Variants in GPC4 observed in about 807,000 individuals in gnomAD.
The protein encoded by GPC4 is glypican 4.
In GPC4, 10 loss-of-function variants were observed where a neutral mutation model predicts 35.0. The ratio of observed to expected loss-of-function variants is 0.29; its 90% CI spans 0.18 to 0.48. The LOEUF (loss-of-function observed/expected upper bound fraction) is 0.48, where lower values mean the gene tolerates loss of function less well. GPC4 is among the 20% of genes least tolerant of loss of function. The pLI is 0.99. For synonymous variants in GPC4, 167 were observed against 170.2 expected (o/e 0.98, Z 0.15); for missense variants, 322 against 451.3 (o/e 0.71, Z 2.60).
chrX:133,302,973 C>G lies in GPC4; in HGVS notation c.1565G>C (p.Ser522Thr). ...AGCACTGTCGGCTTTCTCATTGGCA[C>G]TCTTCCCAGCATGGTCAGTGGCATT... is the stretch of plus-strand genomic sequence containing the variant. ...DYNATDHAGK[S>T]ANEKADSAGV... Residue 522 changes from serine to threonine, a missense_variant, in exon 9 of 9, where the codon AGT (serine) becomes ACT (threonine). Ser to Thr is a moderately conservative substitution (Grantham distance 58). Around this residue, in one of 3 missense-constraint regions of GPC4, gnomAD observed 99 missense variants for 110.0 expected, o/e 0.90. Coordinates refer to ENST00000370828, the MANE Select transcript of GPC4 (RefSeq NM_001448.3). 8.3e-7 allele frequency: 1 copy of G among 1,211,605 alleles called. No individual in the cohort carries two copies. Among genetic ancestry groups the G allele is most frequent in the Non-Finnish European group, 1.1e-6 (1 of 895,418 alleles).
intron 1 of GPC4, among the ~76,000 whole-genome samples, chrX:133,387,066 C>T (rs1436724293): frequency 8.9e-6 from 1 of 112,001 alleles, no homozygotes; most frequent in Non-Finnish European, 1.9e-5. Flanking sequence ...AGCAAGCTGG[C>T]TGTTTCAACC....
At chrX:133,343,394 C>T (rs1255670192) in intron 1 of GPC4, among the ~76,000 whole-genome samples, 2 of 111,913 alleles carry the variant, frequency 1.8e-5, no homozygotes, top group Non-Finnish European at 3.8e-5. Flanking sequence ...TCTTTTCACT[C>T]TAACCATGTA....
chrX:133,369,843 C>T (rs1331837122), intron 1 of GPC4, among the ~76,000 whole-genome samples: 1 of 111,014 alleles, frequency 9.0e-6, no homozygotes, highest in Non-Finnish European at 1.9e-5. Flanking sequence ...TACTCACATA[C>T]CAGCTGTGAC....
intron 1 of GPC4, among the ~76,000 whole-genome samples, chrX:133,357,129 A>G (rs2036260665): frequency 9.0e-6 from 1 of 110,643 alleles, no homozygotes; most frequent in South Asian, 4.0e-4. Context: ...CATGCCTGTA[A>G]TCCCAGCACT....
At chrX:133,394,596 C>CA (rs1352685580) in intron 1 of GPC4, among the ~76,000 whole-genome samples, 2 of 111,276 alleles carry the variant, frequency 1.8e-5, no homozygotes, top group Admixed American at 9.6e-5. Flanking sequence ...CTTGCTTCCC[C>CA]AGTGTGCAAC....
intron 3 of GPC4, among the ~76,000 whole-genome samples, chrX:133,313,754 C>T (rs1053059502): frequency 8.9e-6 from 1 of 112,089 alleles, no homozygotes; most frequent in African/African-American, 3.2e-5. Flanking sequence ...CTCACAACAT[C>T]GGATTCCAGT....
chrX:133,342,492 C>G (rs1356055766), intron 1 of GPC4, among the ~76,000 whole-genome samples: 5 of 112,010 alleles, frequency 4.5e-5, no homozygotes, highest in African/African-American at 1.6e-4. Context: ...AAGTCGTCTG[C>G]CCCTCAGTGC....
At chrX:133,303,392 T>C (rs1191046089) in intron 7 of GPC4, 51 bp from the exon 8 acceptor site, 5 of 1,061,351 alleles carry the variant, frequency 4.7e-6, no homozygotes, top group Admixed American at 2.4e-5. Context: ...GAAAAGATTT[T>C]ATCTGTCTGC....
intron 3 of GPC4, among the ~76,000 whole-genome samples, chrX:133,323,235 C>G (rs2068374709): frequency 9.0e-6 from 1 of 111,728 alleles, no homozygotes; most frequent in Non-Finnish European, 1.9e-5. Flanking sequence ...TCCCAGCACT[C>G]TGAGAGGCCA....
At chrX:133,411,565 G>C (rs2068813292) in intron 1 of GPC4, among the ~76,000 whole-genome samples, 1 of 111,047 alleles carries the variant, frequency 9.0e-6, no homozygotes, top group Non-Finnish European at 1.9e-5. Flanking sequence ...CTCGTCATCT[G>C]TATCGCTTGT....
At chrX:133,382,105 G>A (rs1411193326) in intron 1 of GPC4, among the ~76,000 whole-genome samples, 2 of 112,037 alleles carry the variant, frequency 1.8e-5, no homozygotes, top group Non-Finnish European at 3.8e-5. Context: ...AAAGTATTAA[G>A]ATCATAAGAA....
chrX:133,377,889 C>CTTTTTT (rs774106053), intron 1 of GPC4, among the ~76,000 whole-genome samples: 1 of 72,804 alleles, frequency 1.4e-5, no homozygotes, highest in African/African-American at 5.4e-5. Context: ...TTTTTTTTTT[C>CTTTTTT]TTTTTTTTTT....
At chrX:133,304,155 C>T (rs2068280993) in intron 7 of GPC4, among the ~76,000 whole-genome samples, 1 of 107,302 alleles carries the variant, frequency 9.3e-6, no homozygotes, top group South Asian at 4.1e-4. Flanking sequence ...AAAAAATTAG[C>T]CAGGCATGGT....
intron 1 of GPC4, among the ~76,000 whole-genome samples, chrX:133,401,214 A>AT (rs1364424731): frequency 9.0e-6 from 1 of 111,467 alleles, no homozygotes; most frequent in Non-Finnish European, 1.9e-5. Context: ...ATAAGCCTTG[A>AT]TTTTCACTCT....
rs191170209 is a variant in GPC4, at chrX:133,392,886, G to A, written c.160+21920C>T. Among the ~76,000 whole-genome samples the A allele has an allele frequency of 5.5e-3, 611 of 110,789 alleles. 4 individuals carry two copies. The highest frequency in any genetic ancestry group is 0.019 in the African/African-American group (581 of 30,288). On this transcript the variant is annotated intron_variant, in intron 1 of 8. Transcript: ENST00000370828. Reference sequence around the variant, plus strand: ...GAAGCCGTTGGATGATTTCTTTCCAGGACCCGTTGAAAGATAAAAGATGAG... The same window carrying A: ...GAAGCCGTTGGATGATTTCTTTCCAAGACCCGTTGAAAGATAAAAGATGAG...
chrX:133,326,260 A>C (rs1199199389), intron 2 of GPC4, among the ~76,000 whole-genome samples: 1 of 111,432 alleles, frequency 9.0e-6, no homozygotes, highest in Non-Finnish European at 1.9e-5. Context: ...TTAGGTGAAC[A>C]ATATAAGAAG....
At chrX:133,404,700 T>C (rs900255429) in intron 1 of GPC4, among the ~76,000 whole-genome samples, 9 of 108,944 alleles carry the variant, frequency 8.3e-5, no homozygotes, top group Non-Finnish European at 1.7e-4. Context: ...ACTAAAAATA[T>C]ACAAATTAGC....
chrX:133,365,289 A>C (rs779890976), intron 1 of GPC4, among the ~76,000 whole-genome samples: 1 of 111,878 alleles, frequency 8.9e-6, no homozygotes, highest in Non-Finnish European at 1.9e-5. Flanking sequence ...GTTCACCACT[A>C]CAGTGTTTGC....
chrX:133,390,303 C>T (rs868351664), intron 1 of GPC4, among the ~76,000 whole-genome samples: 10 of 111,712 alleles, frequency 9.0e-5, no homozygotes, highest in Middle Eastern at 4.6e-3. Flanking sequence ...AATGAATTAG[C>T]GTATTAACTA....
Sources: allele counts gnomAD v4.1 joint callset (sites outside exome capture counted in the v4.1 genomes callset), GRCh38; gene constraint gnomAD v4.1.1; regional missense constraint gnomAD v4.1.1; transcripts MANE v1.5; gene names NCBI Gene and HGNC (gene_info 2026-07-23, HGNC 2026-07-21).